SMIM31: variants seen among roughly 807,000 people sequenced by gnomAD.
SMIM31 encodes human epithelial cell program regulator.
chr4:164,778,810 G>A (rs1732910848), intron 2 of SMIM31, among the ~76,000 whole-genome samples: 2 of 152,162 alleles, frequency 1.3e-5, no homozygotes, highest in Middle Eastern at 3.2e-3. Context: ...AGAATTAACT[G>A]TGTGATCATG....
intron 2 of SMIM31, among the ~76,000 whole-genome samples, chr4:164,791,043 T>C (rs1285468223): frequency 6.6e-6 from 1 of 152,196 alleles, no homozygotes; most frequent in Non-Finnish European, 1.5e-5. Flanking sequence ...TCTTTAATCC[T>C]TGTTATGTGT....
intron 2 of SMIM31, among the ~76,000 whole-genome samples, chr4:164,789,427 T>C (rs913151927): frequency 6.6e-5 from 10 of 152,226 alleles, no homozygotes; most frequent in African/African-American, 2.2e-4. Flanking sequence ...AATCTTGTAC[T>C]TACATAAAAG....
At chr4:164,794,861 T>C (rs1733168453) in intron 2 of SMIM31, among the ~76,000 whole-genome samples, 1 of 151,560 alleles carries the variant, frequency 6.6e-6, no homozygotes, top group African/African-American at 2.4e-5. Flanking sequence ...ATATATCTTA[T>C]AGAGATACAC....
chr4:164,771,417 G>C (rs1732800259), intron 2 of SMIM31, among the ~76,000 whole-genome samples: 1 of 152,154 alleles, frequency 6.6e-6, no homozygotes, highest in Non-Finnish European at 1.5e-5. Context: ...AAGCCCGGAG[G>C]TAGTGAGTTC....
At chr4:164,795,034 A>T (rs1200561684) in intron 2 of SMIM31, among the ~76,000 whole-genome samples, 1 of 152,140 alleles carries the variant, frequency 6.6e-6, no homozygotes, top group Non-Finnish European at 1.5e-5. Flanking sequence ...TGAGAAAATA[A>T]AATTGTACTC....
intron 2 of SMIM31, among the ~76,000 whole-genome samples, chr4:164,777,555 T>C (rs1439239494): frequency 6.6e-6 from 1 of 152,182 alleles, no homozygotes; most frequent in Non-Finnish European, 1.5e-5. Flanking sequence ...CTAGGCCCTG[T>C]CTTTGAAAGT....
chr4:164,774,328 A>G (rs1303797927), intron 2 of SMIM31, among the ~76,000 whole-genome samples: 1 of 152,198 alleles, frequency 6.6e-6, no homozygotes, highest in Non-Finnish European at 1.5e-5. Flanking sequence ...GACATCACAC[A>G]TGTCACAAAA....
intron 2 of SMIM31, 89 bp downstream of exon 2, chr4:164,770,644 G>T (rs1424248849): frequency 1.5e-5 from 6 of 397,208 alleles, no homozygotes; most frequent in Non-Finnish European, 2.7e-5. Context: ...GATTTGGTTT[G>T]GTTTCTATCC....
chr4:164,770,376 C>G (rs1054557314), intron 1 of SMIM31, 43 bp from the exon 2 acceptor site: 1 of 398,464 alleles, frequency 2.5e-6, no homozygotes, highest in African/African-American at 2.1e-5. Flanking sequence ...CAAGCTCTCT[C>G]TGGATTAGAG....
chr4:164,764,369 C>A (rs1048107520), intron 1 of SMIM31, among the ~76,000 whole-genome samples: 2 of 151,942 alleles, frequency 1.3e-5, no homozygotes, highest in Admixed American at 6.6e-5. Context: ...GAGATCAAGA[C>A]CATCCTGGCC....
chr4:164,798,875 T>C (rs1733246348), intron 2 of SMIM31, among the ~76,000 whole-genome samples: 1 of 152,128 alleles, frequency 6.6e-6, no homozygotes, highest in Non-Finnish European at 1.5e-5. Context: ...GTCCTTGTGA[T>C]AGGGAGGAGG....
At chr4:164,775,081 C>T (rs751501873) in intron 2 of SMIM31, among the ~76,000 whole-genome samples, 37 of 152,208 alleles carry the variant, frequency 2.4e-4, no homozygotes, top group Non-Finnish European at 4.3e-4. Context: ...TTTATCTGAG[C>T]TCTGTGCTTC....
chr4:164,797,434 G>A (rs1347968150), intron 2 of SMIM31, among the ~76,000 whole-genome samples: 1 of 147,012 alleles, frequency 6.8e-6, no homozygotes, highest in African/African-American at 2.5e-5. Context: ...ATGTATGTAT[G>A]TATTTAGAGA....
chr4:164,781,946 G>C (rs1348396339), intron 2 of SMIM31, among the ~76,000 whole-genome samples: 1 of 152,180 alleles, frequency 6.6e-6, no homozygotes, highest in Admixed American at 6.5e-5. Context: ...GATGATGCGT[G>C]ATACATTTGT....
At chr4:164,795,968 C>G (rs1470420589) in intron 2 of SMIM31, among the ~76,000 whole-genome samples, 1 of 152,148 alleles carries the variant, frequency 6.6e-6, no homozygotes, top group South Asian at 2.1e-4. Context: ...ACCTTCACTC[C>G]TTGCTGACAT....
chr4:164,789,227 A>G (rs1733069062), intron 2 of SMIM31, among the ~76,000 whole-genome samples: 1 of 152,220 alleles, frequency 6.6e-6, no homozygotes, highest in Non-Finnish European at 1.5e-5. Flanking sequence ...TTAGCTGACA[A>G]TGCTGGAATG....
At chr4:164,780,381 T>C (rs1003245789) in intron 2 of SMIM31, among the ~76,000 whole-genome samples, 8 of 152,250 alleles carry the variant, frequency 5.3e-5, no homozygotes, top group South Asian at 4.1e-4. Flanking sequence ...GAGCCGAGAT[T>C]GCGCCACTGC....
chr4:164,781,129 T>TACACACACACAC (rs138037586), intron 2 of SMIM31, among the ~76,000 whole-genome samples: 1,873 of 144,496 alleles, frequency 0.013, 41 homozygotes, highest in African/African-American at 0.044. Flanking sequence ...TACATTTACA[T>TACACACACACAC]ACACACACAC....
chr4:164,783,999 G>T (rs1732995414), intron 2 of SMIM31, among the ~76,000 whole-genome samples: 1 of 152,098 alleles, frequency 6.6e-6, no homozygotes, highest in African/African-American at 2.4e-5. Flanking sequence ...GAAATGACAA[G>T]AATTCCAGGC....
Sources: allele counts gnomAD v4.1 joint callset (sites outside exome capture counted in the v4.1 genomes callset), GRCh38; gene constraint gnomAD v4.1.1; transcripts MANE v1.5; gene names NCBI Gene and HGNC (gene_info 2026-07-23, HGNC 2026-07-21).